EGFR: variants seen among roughly 807,000 people sequenced by gnomAD.
The protein encoded by EGFR is avian erythroblastic leukemia viral (v-erb-b) oncogene homolog.
In EGFR, 58 loss-of-function variants were observed where a neutral mutation model predicts 143.0. The ratio of observed to expected loss-of-function variants is 0.41; its 90% confidence interval spans 0.33 to 0.50. EGFR has a LOEUF of 0.50. Ranked by LOEUF, EGFR falls within the 20% of genes least tolerant of loss-of-function variation. EGFR has a pLI of 0.39. For missense variants in EGFR, 1,307 were observed against 1,579.0 expected (o/e 0.83, Z 2.92); for synonymous variants, 613 against 594.4 (o/e 1.03, Z -0.45).
chr7:55,114,698 CT>C (rs990174334), intron 1 of EGFR, among the ~76,000 whole-genome samples: 30 of 152,072 alleles, frequency 2.0e-4, no homozygotes, highest in African/African-American at 7.0e-4. Flanking sequence ...GGAATCCATT[CT>C]TTCCTATAGT....
intron 1 of EGFR, among the ~76,000 whole-genome samples, chr7:55,062,616 A>G (rs879832974): frequency 6.6e-6 from 1 of 152,086 alleles, no homozygotes; most frequent in Non-Finnish European, 1.5e-5. Flanking sequence ...TGCCATTTGG[A>G]TCATAACTGA....
rs17335961 is a variant in EGFR, at chr7:55,075,911, G to A, written c.88+56546G>A. ...TTCAAGGGGTGGGGGTGCAATAGTG[G>A]AACTCTGCACAACAGTTCTTTACAA... On this transcript the variant is annotated intron_variant, in intron 1 of 27. Transcript: ENST00000275493. 9.0e-3 allele frequency among the ~76,000 whole-genome samples: 1,371 copies of A among 152,280 alleles called. 21 individuals carry two copies. Among genetic ancestry groups the A allele is most frequent in the South Asian group, 0.061 (295 of 4,826 alleles).
intron 3 of EGFR, among the ~76,000 whole-genome samples, chr7:55,145,966 A>G (rs1794739518): frequency 6.6e-6 from 1 of 152,146 alleles, no homozygotes; most frequent in South Asian, 2.1e-4. Flanking sequence ...CATCAGTGGA[A>G]CACTCCCACT....
chr7:55,118,903 T>A (rs1472295011), intron 1 of EGFR, among the ~76,000 whole-genome samples: 2 of 137,466 alleles, frequency 1.5e-5, no homozygotes, highest in African/African-American at 4.9e-5. Context: ...AAAAAACTCA[T>A]ACTAGAAAGC....
intron 1 of EGFR, among the ~76,000 whole-genome samples, chr7:55,037,991 G>A (rs895566129): frequency 2.6e-5 from 4 of 152,072 alleles, no homozygotes; most frequent in Non-Finnish European, 5.9e-5. Context: ...CCGGTGTTCC[G>A]GCGCCCAGTT....
intron 1 of EGFR, among the ~76,000 whole-genome samples, chr7:55,067,166 C>A (rs536914231): frequency 6.8e-6 from 1 of 146,218 alleles, no homozygotes; most frequent in African/African-American, 2.8e-5. Flanking sequence ...GTGAGCACAG[C>A]TGCAGGAGCA....
intron 1 of EGFR, among the ~76,000 whole-genome samples, chr7:55,124,216 T>G (rs1793384715): frequency 6.6e-6 from 1 of 152,234 alleles, no homozygotes; most frequent in Non-Finnish European, 1.5e-5. Context: ...AATGTCCCTA[T>G]GACATTCCAT....
chr7:55,024,173 A>G (rs1208918340), intron 1 of EGFR, among the ~76,000 whole-genome samples: 1 of 152,196 alleles, frequency 6.6e-6, no homozygotes, highest in Non-Finnish European at 1.5e-5. Flanking sequence ...GGGGCCAGGA[A>G]TATTGGGGGT....
intron 24 of EGFR, 100 bp from the exon 25 acceptor site, chr7:55,201,086 AAC>A (rs1787825818): frequency 6.7e-7 from 1 of 1,489,538 alleles, no homozygotes; most frequent in African/African-American, 1.4e-5. Context: ...AAAATTGGCA[AAC>A]ACACAGGCAC....
At chr7:55,119,892 T>C (rs1232029423) in intron 1 of EGFR, among the ~76,000 whole-genome samples, 1 of 152,212 alleles carries the variant, frequency 6.6e-6, no homozygotes, top group Non-Finnish European at 1.5e-5. Context: ...GTGTTAGAGA[T>C]GCAGTTGGCC....
chr7:55,210,339 T>C lies in EGFR; in HGVS notation c.*4722T>C, dbSNP rs1788209415. 6.6e-6 allele frequency: 1 copy of C among 152,244 alleles called. No individual in the cohort carries two copies. Among genetic ancestry groups the C allele is most frequent in the Non-Finnish European group, 1.5e-5 (1 of 68,056 alleles). 9.4% of individuals were successfully genotyped at this position (152,244 alleles called of 1,614,324 possible). A position where few individuals can be genotyped will look rare whatever the true frequency, so the allele number is the denominator to read the frequency against. Reference sequence around the variant, plus strand: ...ACTTTGGTTAGTTCACCAACAGTCTTACCAAGCCTGGGCCCAGCCACCCTA... The same window carrying C: ...ACTTTGGTTAGTTCACCAACAGTCTCACCAAGCCTGGGCCCAGCCACCCTA... On this transcript the variant is annotated 3_prime_UTR_variant, in exon 28 of 28. Coordinates refer to ENST00000275493, the MANE Select transcript of EGFR (RefSeq NM_005228.5).
At chr7:55,145,542 G>A (rs947616034) in intron 3 of EGFR, among the ~76,000 whole-genome samples, 2 of 152,182 alleles carry the variant, frequency 1.3e-5, no homozygotes, top group African/African-American at 4.8e-5. Flanking sequence ...ATGTGTGCCT[G>A]TGCCCTTCTG....
chr7:55,093,565 C>T (rs1420927849), intron 1 of EGFR, among the ~76,000 whole-genome samples: 1 of 152,220 alleles, frequency 6.6e-6, no homozygotes, highest in African/African-American at 2.4e-5. Context: ...GCGCCTCAGC[C>T]CTACTTCCCT....
chr7:55,042,851 A>T (rs918011495), intron 1 of EGFR, among the ~76,000 whole-genome samples: 1 of 152,162 alleles, frequency 6.6e-6, no homozygotes, highest in East Asian at 1.9e-4. Context: ...TGGAAATGGA[A>T]ATTAGCATTG....
At chr7:55,020,552 C>T (rs979874524) in intron 1 of EGFR, among the ~76,000 whole-genome samples, 1 of 110,652 alleles carries the variant, frequency 9.0e-6, no homozygotes, top group African/African-American at 3.4e-5. Flanking sequence ...AAATATTAAA[C>T]CTGTCTTACA....
chr7:55,148,689 G>A (rs1439047964), intron 4 of EGFR, among the ~76,000 whole-genome samples: 1 of 152,144 alleles, frequency 6.6e-6, no homozygotes, highest in Non-Finnish European at 1.5e-5. Context: ...TGGGTTAGTC[G>A]CATTGGAGAG....
chr7:55,120,745 G>A (rs1474475674), intron 1 of EGFR, among the ~76,000 whole-genome samples: 10 of 152,118 alleles, frequency 6.6e-5, no homozygotes, highest in Non-Finnish European at 1.5e-4. Context: ...TCATAACACT[G>A]GTTTGGAGTG....
intron 1 of EGFR, among the ~76,000 whole-genome samples, chr7:55,097,155 C>T (rs1791527629): frequency 6.6e-6 from 1 of 152,204 alleles, no homozygotes; most frequent in Admixed American, 6.5e-5. Context: ...CTGTGCCTTG[C>T]CCCAGTTCCA....
At chr7:55,190,688 T>C (rs952086005) in intron 20 of EGFR, among the ~76,000 whole-genome samples, 4 of 152,244 alleles carry the variant, frequency 2.6e-5, no homozygotes, top group Non-Finnish European at 5.9e-5. Flanking sequence ...TCGTGCCCAC[T>C]CTGTACTAGA....
Sources: gnomAD v4.1 joint callset for allele counts (sites outside exome capture counted in the v4.1 genomes callset) on GRCh38, gnomAD v4.1.1 for gene constraint, MANE v1.5 for transcripts, NCBI Gene and HGNC (gene_info 2026-07-23, HGNC 2026-07-21) for gene names.